SLC41A2: variants seen among roughly 807,000 people sequenced by gnomAD.
SLC41A2 encodes SLC41A1-like 1.
In SLC41A2, 32 loss-of-function variants were observed where a neutral mutation model predicts 58.3. The observed-to-expected ratio is 0.55, with a 90% CI of 0.41 to 0.74. The LOEUF (loss-of-function observed/expected upper bound fraction) is 0.74, where lower values mean the gene tolerates loss of function less well. SLC41A2 is among the 30% of genes least tolerant of loss of function. The probability of loss-of-function intolerance (pLI) is 0.00; values close to 1 mark genes in which losing one functional copy is unlikely to be tolerated. For synonymous variants in SLC41A2, 190 were observed against 235.0 expected (o/e 0.81, Z 1.75); for missense variants, 514 against 680.6 (o/e 0.76, Z 2.72).
chr12:104,884,011 C>T (rs1025231713), intron 6 of SLC41A2, among the ~76,000 whole-genome samples: 18 of 152,232 alleles, frequency 1.2e-4, no homozygotes, highest in African/African-American at 3.9e-4. Context: ...TTTGAGCTTC[C>T]CAGCCGCTTT....
intron 2 of SLC41A2, among the ~76,000 whole-genome samples, chr12:104,917,763 T>C (rs990466810): frequency 2.3e-5 from 3 of 133,222 alleles, no homozygotes; most frequent in Non-Finnish European, 4.6e-5. Flanking sequence ...TAGGTGGGAA[T>C]TGAACAATGA....
intron 8 of SLC41A2, 87 bp downstream of exon 8, chr12:104,861,204 T>C: frequency 3.2e-6 from 3 of 923,636 alleles, no homozygotes; most frequent in Non-Finnish European, 4.9e-6. Context: ...ACCTCTTGAA[T>C]CTGAGCCCTA....
Position 104,853,912 on chromosome 12 carries a change from T to TTATTATTATTA in SLC41A2, c.1255+7378_1255+7379insTAATAATAATA, listed in dbSNP as rs1555202445. On this transcript the variant is annotated intron_variant, in intron 8 of 10. Transcript: ENST00000258538. Reference sequence around the variant, plus strand: ...GGTGCATGTCACCATGCCTGGCTGATTTTTTTTTTTTTTTTTTTTTTTTTT... The same window carrying TTATTATTATTA: ...GGTGCATGTCACCATGCCTGGCTGATTATTATTATTATTTTTTTTTTTTTTTTTTTTTTTTT... Among the ~76,000 whole-genome samples, 7 of 51,382 alleles carry TTATTATTATTA rather than the reference T, an allele frequency of 1.4e-4. 1 individual carries two copies. The highest frequency in any genetic ancestry group is 2.5e-4 in the Non-Finnish European group (7 of 27,846). The allele number at this position is 51,382 out of a possible 152,430, so 33.7% of individuals were successfully genotyped here.
intron 3 of SLC41A2, among the ~76,000 whole-genome samples, chr12:104,909,372 A>G (rs1420043255): frequency 1.3e-5 from 2 of 152,180 alleles, no homozygotes; most frequent in Non-Finnish European, 2.9e-5. Flanking sequence ...TCGAACCACA[A>G]AGAATCTCAA....
intron 3 of SLC41A2, among the ~76,000 whole-genome samples, chr12:104,895,549 T>A (rs1360033080): frequency 1.3e-5 from 2 of 151,988 alleles, no homozygotes; most frequent in Non-Finnish European, 2.9e-5. Context: ...AGAAAAAAAA[T>A]TTTTTTTACT....
intron 10 of SLC41A2, among the ~76,000 whole-genome samples, chr12:104,830,542 G>C (rs1291767172): frequency 6.6e-6 from 1 of 152,044 alleles, no homozygotes; most frequent in East Asian, 1.9e-4. Flanking sequence ...TGGATGTGGA[G>C]GGCTGGCTGT....
At chr12:104,810,754 C>T (rs2041138343) in intron 10 of SLC41A2, among the ~76,000 whole-genome samples, 1 of 152,136 alleles carries the variant, frequency 6.6e-6, no homozygotes, top group Non-Finnish European at 1.5e-5. Context: ...ATGTAGTTGT[C>T]ACAGAGAGCA....
At chr12:104,938,397 C>T (rs1360909879) in intron 1 of SLC41A2, among the ~76,000 whole-genome samples, 1 of 152,198 alleles carries the variant, frequency 6.6e-6, no homozygotes, top group Non-Finnish European at 1.5e-5. Flanking sequence ...TCCCCTCCTA[C>T]AGGAGGATTC....
At chr12:104,949,430 C>A (rs534168151) in intron 1 of SLC41A2, among the ~76,000 whole-genome samples, 1 of 152,140 alleles carries the variant, frequency 6.6e-6, no homozygotes, top group African/African-American at 2.4e-5. Flanking sequence ...TCATCCTTTA[C>A]ACAAAGATTT....
At chr12:104,815,508 CCTT>C (rs939294068) in intron 10 of SLC41A2, among the ~76,000 whole-genome samples, 1 of 152,078 alleles carries the variant, frequency 6.6e-6, no homozygotes, top group African/African-American at 2.4e-5. Context: ...TCAGCCAGCT[CCTT>C]CTTTGAGCTA....
intron 1 of SLC41A2, among the ~76,000 whole-genome samples, chr12:104,935,576 A>G (rs1184335652): frequency 2.6e-5 from 4 of 152,200 alleles, no homozygotes; most frequent in Non-Finnish European, 4.4e-5. Flanking sequence ...ATTAAATTGG[A>G]TGTAACAAAT....
At chr12:104,824,966 T>C (rs1430287212) in intron 10 of SLC41A2, among the ~76,000 whole-genome samples, 1 of 152,194 alleles carries the variant, frequency 6.6e-6, no homozygotes, top group Non-Finnish European at 1.5e-5. Flanking sequence ...GGTAAGAGGC[T>C]CTGTTTCCCT....
chr12:104,840,087 G>A (rs17036431), intron 10 of SLC41A2, among the ~76,000 whole-genome samples: 1,711 of 152,222 alleles, frequency 0.011, 41 homozygotes, highest in African/African-American at 0.039. Flanking sequence ...GAAGAATACC[G>A]TAGGGCGTAA....
intron 3 of SLC41A2, among the ~76,000 whole-genome samples, chr12:104,897,930 T>G (rs569946308): frequency 6.6e-6 from 1 of 152,212 alleles, no homozygotes; most frequent in South Asian, 2.1e-4. Flanking sequence ...TTTTCTAAAG[T>G]GGAGAGGGAG....
intron 3 of SLC41A2, among the ~76,000 whole-genome samples, chr12:104,901,010 AGGGC>A: frequency 6.6e-6 from 1 of 152,180 alleles, no homozygotes; most frequent in African/African-American, 2.4e-5. Flanking sequence ...GCATAGAGTA[AGGGC>A]TCAAAAATAT....
chr12:104,813,305 A>G (rs1159505440), intron 10 of SLC41A2, among the ~76,000 whole-genome samples: 1 of 152,206 alleles, frequency 6.6e-6, no homozygotes, highest in East Asian at 1.9e-4. Flanking sequence ...AATACACTAC[A>G]TGGCTCTGTG....
At chr12:104,958,614 G>C (rs1452730759), upstream of SLC41A2, 2 of 152,612 alleles carry the variant, frequency 1.3e-5, no homozygotes, top group African/African-American at 4.8e-5. Flanking sequence ...CTGCTCCAAG[G>C]TCCGAACCCC....
At chr12:104,825,084 T>C (rs1173730365) in intron 10 of SLC41A2, among the ~76,000 whole-genome samples, 3 of 152,166 alleles carry the variant, frequency 2.0e-5, no homozygotes, top group Non-Finnish European at 2.9e-5. Context: ...TCTTTCTTTA[T>C]AATATTAAGA....
intron 10 of SLC41A2, among the ~76,000 whole-genome samples, chr12:104,829,200 A>T (rs2041956882): frequency 6.6e-6 from 1 of 152,226 alleles, no homozygotes; most frequent in Admixed American, 6.5e-5. Flanking sequence ...GTACATGCAT[A>T]TTCATAGCAG....
Sources: gnomAD v4.1 joint callset for allele counts (sites outside exome capture counted in the v4.1 genomes callset) on GRCh38, gnomAD v4.1.1 for gene constraint, MANE v1.5 for transcripts, NCBI Gene and HGNC (gene_info 2026-07-23, HGNC 2026-07-21) for gene names.